The following BMAL1 variants were observed in gnomAD, a reference collection of about 807,000 sequenced individuals.
The protein encoded by BMAL1 is basic helix-loop-helix ARNT-like protein 1.
At chr11:13,283,890 C>T in the BMAL1 span, among the ~76,000 whole-genome samples, 7 of 151,884 alleles carry the variant, frequency 4.6e-5, no homozygotes, top group Non-Finnish European at 1.0e-4. Context: ...GCTCAGCCAG[C>T]TCCTCCCCAG....
At chr11:13,311,668 C>T in the BMAL1 span, among the ~76,000 whole-genome samples, 1 of 152,230 alleles carries the variant, frequency 6.6e-6, no homozygotes, top group African/African-American at 2.4e-5. Flanking sequence ...GCAGGCAAAG[C>T]ATGCTGTGAC....
the BMAL1 span, chr11:13,309,955 T>C: frequency 6.5e-6 from 1 of 152,692 alleles, no homozygotes; most frequent in African/African-American, 2.4e-5. Context: ...GCTATGAATT[T>C]AAAGCTAAAC....
the BMAL1 span, among the ~76,000 whole-genome samples, chr11:13,349,066 A>G: frequency 6.6e-6 from 1 of 152,206 alleles, no homozygotes; most frequent in South Asian, 2.1e-4. Context: ...GGAATCCTCC[A>G]CATGAGTCAT....
chr11:13,369,199 C>G, the BMAL1 span, among the ~76,000 whole-genome samples: 10 of 152,204 alleles, frequency 6.6e-5, no homozygotes, highest in South Asian at 2.1e-4. Context: ...CCTACCCATC[C>G]TTCAGTGCCA....
the BMAL1 span, among the ~76,000 whole-genome samples, chr11:13,329,920 T>G: frequency 6.6e-6 from 1 of 152,210 alleles, no homozygotes; most frequent in African/African-American, 2.4e-5. Context: ...TCCTTTTGTT[T>G]GACCTTGATT....
the BMAL1 span, among the ~76,000 whole-genome samples, chr11:13,292,031 A>G: frequency 6.6e-6 from 1 of 152,198 alleles, no homozygotes; most frequent in Non-Finnish European, 1.5e-5. Flanking sequence ...TGCCTTTCCT[A>G]GGAATGGAGT....
At chr11:13,385,845 A>G in the BMAL1 span, 7 of 1,356,616 alleles carry the variant, frequency 5.2e-6, no homozygotes, top group Admixed American at 1.7e-5. Flanking sequence ...AACATCTTAC[A>G]TAAAGTCAAT....
the BMAL1 span, among the ~76,000 whole-genome samples, chr11:13,343,891 C>T: frequency 6.6e-6 from 1 of 152,266 alleles, no homozygotes; most frequent in African/African-American, 2.4e-5. Context: ...AATCTTACCC[C>T]TTGCAGGATC....
At chr11:13,372,397 T>C in the BMAL1 span, 1 of 1,614,228 alleles carries the variant, frequency 6.2e-7, no homozygotes. Flanking sequence ...AAGTTTGTTT[T>C]TGTAGACCAG....
At chr11:13,358,623 C>G in the BMAL1 span, 3 of 1,515,412 alleles carry the variant, frequency 2.0e-6, no homozygotes, top group South Asian at 3.9e-5. Flanking sequence ...TCCTTTATGT[C>G]CTTGCCCACA....
chr11:13,283,631 G>T, the BMAL1 span, among the ~76,000 whole-genome samples: 2 of 152,076 alleles, frequency 1.3e-5, no homozygotes, highest in Non-Finnish European at 2.9e-5. Flanking sequence ...TCACTCAGCC[G>T]CACCATGCCA....
the BMAL1 span, among the ~76,000 whole-genome samples, chr11:13,291,803 G>GTATACTC: frequency 6.6e-6 from 1 of 152,352 alleles, no homozygotes; most frequent in East Asian, 1.9e-4. Context: ...TTTAATTGAC[G>GTATACTC]TGTACTCTGT....
chr11:13,290,429 C>T, the BMAL1 span, among the ~76,000 whole-genome samples: 86 of 152,252 alleles, frequency 5.6e-4, no homozygotes, highest in African/African-American at 1.6e-3. Context: ...CATTAGGCAG[C>T]GATCCAGAGG....
At chr11:13,372,962 G>C in the BMAL1 span, among the ~76,000 whole-genome samples, 2 of 152,180 alleles carry the variant, frequency 1.3e-5, no homozygotes, top group African/African-American at 4.8e-5. Context: ...AAAAACAGTA[G>C]GGATAGCATG....
chr11:13,376,330 C>T, the BMAL1 span, among the ~76,000 whole-genome samples: 10 of 152,160 alleles, frequency 6.6e-5, no homozygotes, highest in Non-Finnish European at 1.2e-4. Flanking sequence ...GTGTGAGGGG[C>T]CGGGGCTAGG....
the BMAL1 span, among the ~76,000 whole-genome samples, chr11:13,336,778 G>A: frequency 6.6e-5 from 10 of 152,232 alleles, no homozygotes; most frequent in African/African-American, 2.4e-4. Context: ...CTGTGAATGT[G>A]CCAGTGTCAG....
At chr11:13,285,046 C>G in the BMAL1 span, among the ~76,000 whole-genome samples, 1 of 152,210 alleles carries the variant, frequency 6.6e-6, no homozygotes, top group Non-Finnish European at 1.5e-5. Context: ...CTTGAGGCCT[C>G]TCTTCCTTGC....
At chr11:13,304,565 A>G in the BMAL1 span, among the ~76,000 whole-genome samples, 1 of 152,182 alleles carries the variant, frequency 6.6e-6, no homozygotes, top group African/African-American at 2.4e-5. Context: ...CCCATTCATG[A>G]CTAGGCTTTC....
At chr11:13,277,361 G>C in the BMAL1 span, among the ~76,000 whole-genome samples, 2 of 152,180 alleles carry the variant, frequency 1.3e-5, no homozygotes, top group Non-Finnish European at 2.9e-5. Context: ...ACCCCGAGGA[G>C]CGCGGCTTGG....
Sources: allele counts gnomAD v4.1 joint callset (sites outside exome capture counted in the v4.1 genomes callset), GRCh38; gene constraint gnomAD v4.1.1; transcripts MANE v1.5; gene names NCBI Gene and HGNC (gene_info 2026-07-23, HGNC 2026-07-21).